Variants in WDR41 observed in about 807,000 individuals in gnomAD.
The protein encoded by WDR41 is WD repeat domain 41, also known as WD repeat-containing protein 41.
Under a neutral mutation model 69.3 loss-of-function variants are expected in WDR41, and 63 were observed. The observed-to-expected ratio is 0.91, with a 90% CI of 0.74 to 1.12. WDR41 has a LOEUF of 1.12. Ranked by LOEUF, WDR41 falls within the 50% of genes most tolerant of loss-of-function variation. WDR41 has a pLI of 0.00. For synonymous variants in WDR41, 185 were observed against 192.1 expected (o/e 0.96, Z 0.31); for missense variants, 543 against 534.5 (o/e 1.02, Z -0.16).
At chr5:77,549,411 C>T (rs1743257168) in intron 1 of WDR41, among the ~76,000 whole-genome samples, 1 of 152,066 alleles carries the variant, frequency 6.6e-6, no homozygotes, top group African/African-American at 2.4e-5. Flanking sequence ...GGGAAAGTTT[C>T]AGGACACAAA....
At chr5:77,466,005 T>G (rs1800289529) in intron 2 of WDR41, among the ~76,000 whole-genome samples, 1 of 152,002 alleles carries the variant, frequency 6.6e-6, no homozygotes, top group Non-Finnish European at 1.5e-5. Flanking sequence ...TTCAAAATCC[T>G]TTGAGTACAT....
intron 1 of WDR41, chr5:77,491,796 T>C (rs1801801433): frequency 8.4e-6 from 2 of 239,070 alleles, no homozygotes; most frequent in African/African-American, 2.2e-5. Flanking sequence ...CGTTCGTTTC[T>C]AGCTAAATCG....
chr5:77,615,135 C>T (rs894112217), intron 1 of WDR41, among the ~76,000 whole-genome samples: 1 of 151,994 alleles, frequency 6.6e-6, no homozygotes, highest in African/African-American at 2.4e-5. Flanking sequence ...TGATAGTTGC[C>T]CAACTCTACA....
At chr5:77,488,935 C>A (rs1801644291) in intron 2 of WDR41, among the ~76,000 whole-genome samples, 1 of 152,136 alleles carries the variant, frequency 6.6e-6, no homozygotes, top group Admixed American at 6.5e-5. Flanking sequence ...AAAGCCTATA[C>A]ACCTTCACCT....
At chr5:77,602,052 C>T (rs553361452) in intron 1 of WDR41, among the ~76,000 whole-genome samples, 1 of 152,210 alleles carries the variant, frequency 6.6e-6, no homozygotes, top group Admixed American at 6.5e-5. Context: ...AACATTACAA[C>T]TTATTCTTTC....
At chr5:77,510,840 C>T (rs143245048) in intron 1 of WDR41, among the ~76,000 whole-genome samples, 5,689 of 138,668 alleles carry the variant, frequency 0.041, 135 homozygotes, top group Middle Eastern at 0.11. Context: ...GGCGTGATCT[C>T]GGCTCACTGC....
intron 4 of WDR41, among the ~76,000 whole-genome samples, chr5:77,462,510 T>TACAC (rs1177632729): frequency 6.6e-6 from 1 of 152,164 alleles, no homozygotes; most frequent in African/African-American, 2.4e-5. Context: ...CAATGCCTGT[T>TACAC]ACACATAAGC....
chr5:77,506,980 A>G (rs896375752), intron 1 of WDR41, among the ~76,000 whole-genome samples: 1 of 152,198 alleles, frequency 6.6e-6, no homozygotes, highest in Non-Finnish European at 1.5e-5. Flanking sequence ...GCACATGTAT[A>G]CCTGTGTATC....
chr5:77,475,098 G>A (rs143416941), intron 2 of WDR41, among the ~76,000 whole-genome samples: 3,526 of 152,276 alleles, frequency 0.023, 60 homozygotes, highest in African/African-American at 0.034. Context: ...CTAATACTGC[G>A]CTTTTCCGAC....
chr5:77,606,487 T>A (rs981722125), intron 1 of WDR41, among the ~76,000 whole-genome samples: 1 of 151,946 alleles, frequency 6.6e-6, no homozygotes, highest in African/African-American at 2.4e-5. Flanking sequence ...AAACAGGAAG[T>A]GTAAATGACT....
intron 1 of WDR41, among the ~76,000 whole-genome samples, chr5:77,581,807 GAA>G (rs892772385): frequency 6.6e-6 from 1 of 152,010 alleles, no homozygotes; most frequent in African/African-American, 2.4e-5. Context: ...TGAATGAAAA[GAA>G]AGACTTCATA....
Position 77,513,742 on chromosome 5 carries a change from C to A in WDR41, c.43-24170G>T, listed in dbSNP as rs578218898. On this transcript the variant is annotated intron_variant, in intron 1 of 5. Transcript: ENST00000509971. ...ATCATTTCCACATAGTATTTGCCAG[C>A]TTTTAAGCCTGCTTTTTAAATGTTC... 2.0e-5 allele frequency among the ~76,000 whole-genome samples: 3 copies of A among 152,228 alleles called. No homozygotes were observed. The East Asian group carries it at 5.8e-4, about 29-fold the overall frequency.
At chr5:77,582,604 A>C in intron 1 of WDR41, 2 of 1,600,722 alleles carry the variant, frequency 1.2e-6, no homozygotes, top group Non-Finnish European at 1.7e-6. Context: ...GATGGCAAGA[A>C]AAGCTGGCAA....
At chr5:77,572,682 A>T (rs931576459) in intron 1 of WDR41, among the ~76,000 whole-genome samples, 1 of 152,180 alleles carries the variant, frequency 6.6e-6, no homozygotes, top group Admixed American at 6.5e-5. Context: ...GCTTATCAAG[A>T]CCACCTTCCC....
At chr5:77,492,577 G>C, upstream of WDR41, 1 of 279,460 alleles carries the variant, frequency 3.6e-6, no homozygotes, top group Non-Finnish European at 6.6e-6. Flanking sequence ...TGGTGGACGC[G>C]CGCGGAGCAG....
At chr5:77,522,517 G>A (rs1397471367) in intron 1 of WDR41, among the ~76,000 whole-genome samples, 1 of 152,058 alleles carries the variant, frequency 6.6e-6, no homozygotes, top group East Asian at 1.9e-4. Context: ...GCGCTCACCT[G>A]TAGTCCCATC....
intron 1 of WDR41, among the ~76,000 whole-genome samples, chr5:77,575,648 G>T (rs1353335313): frequency 6.6e-6 from 1 of 152,108 alleles, no homozygotes; most frequent in Non-Finnish European, 1.5e-5. Context: ...AGGAGTCCGT[G>T]ATACTAATTG....
chr5:77,481,171 G>A (rs1801237896), intron 2 of WDR41, among the ~76,000 whole-genome samples: 1 of 152,038 alleles, frequency 6.6e-6, no homozygotes, highest in African/African-American at 2.4e-5. Flanking sequence ...GACCACGCAT[G>A]GCTGATTTTT....
intron 1 of WDR41, among the ~76,000 whole-genome samples, chr5:77,568,113 T>G (rs1212508619): frequency 1.3e-5 from 2 of 152,160 alleles, no homozygotes; most frequent in Non-Finnish European, 2.9e-5. Context: ...TGAAAGTGTT[T>G]GCTTCCAGGG....
Sources: gnomAD v4.1 joint callset for allele counts (sites outside exome capture counted in the v4.1 genomes callset) on GRCh38, gnomAD v4.1.1 for gene constraint, MANE v1.5 for transcripts, NCBI Gene and HGNC (gene_info 2026-07-23, HGNC 2026-07-21) for gene names.